ITGA6: variants seen among roughly 807,000 people sequenced by gnomAD.
The protein encoded by ITGA6 is integrin subunit alpha 6.
ITGA6 carries 63 observed loss-of-function variants against 133.6 expected under a neutral mutation model. The ratio of observed to expected loss-of-function variants is 0.47; its 90% CI spans 0.38 to 0.58. The LOEUF (loss-of-function observed/expected upper bound fraction) is 0.58. Among genes scored for constraint, ITGA6 ranks in the 20% least tolerant of loss-of-function variants. ITGA6 has a pLI of 0.00. For synonymous variants in ITGA6, 434 were observed against 482.0 expected (o/e 0.90, Z 1.30); for missense variants, 1,068 against 1,309.4 (o/e 0.82, Z 2.85).
chr2:172,492,015 T>C (rs552102888), intron 23 of ITGA6, among the ~76,000 whole-genome samples: 2 of 152,318 alleles, frequency 1.3e-5, no homozygotes, highest in South Asian at 4.2e-4. Context: ...AAGGAAATGG[T>C]CATGCCTCCT....
At chr2:172,484,757 T>G in intron 11 of ITGA6, 25 bp from the exon 12 acceptor site, 1 of 1,605,784 alleles carries the variant, frequency 6.2e-7, no homozygotes, top group South Asian at 1.1e-5. Flanking sequence ...TGCACTTACG[T>G]TAATATGATT....
At chr2:172,429,521 A>G (rs551744800) in intron 1 of ITGA6, among the ~76,000 whole-genome samples, 1 of 152,294 alleles carries the variant, frequency 6.6e-6, no homozygotes, top group African/African-American at 2.4e-5. Context: ...TGTTCAAGCA[A>G]AAAGTGTGAA....
At chr2:172,464,067 G>T (rs1685543356) in intron 1 of ITGA6, among the ~76,000 whole-genome samples, 2 of 152,122 alleles carry the variant, frequency 1.3e-5, no homozygotes, top group South Asian at 4.1e-4. Context: ...ATGTAGGGTG[G>T]GTTTGGAGGT....
At chr2:172,432,456 A>G (rs962327148) in intron 1 of ITGA6, among the ~76,000 whole-genome samples, 3 of 152,238 alleles carry the variant, frequency 2.0e-5, no homozygotes, top group Admixed American at 2.0e-4. Flanking sequence ...TGCAAATACA[A>G]TAGAGACTGA....
At chr2:172,496,535 G>T (rs569186201) in intron 23 of ITGA6, among the ~76,000 whole-genome samples, 1 of 152,160 alleles carries the variant, frequency 6.6e-6, no homozygotes, top group Non-Finnish European at 1.5e-5. Flanking sequence ...AAACACCACC[G>T]CATAGAAGTA....
intron 1 of ITGA6, 58 bp from the exon 2 acceptor site, chr2:172,465,481 T>C (rs1228732690): frequency 6.3e-7 from 1 of 1,599,098 alleles, no homozygotes; most frequent in Non-Finnish European, 8.6e-7. Flanking sequence ...TCTGACTGAT[T>C]TAACTGTTAA....
In ITGA6 at chr2:172,504,820, T is replaced by C. The variant is rs558331228; in HGVS notation, c.*752T>C. On this transcript the variant is annotated 3_prime_UTR_variant, in exon 26 of 26. Coordinates refer to ENST00000684293, the MANE Select transcript of ITGA6 (RefSeq NM_000210.4). The stretch of plus-strand genomic sequence containing the variant: ...TGAATACCTGCTCACGTCAAATGCA[T>C]ACAAGTTTCATTCTCCCTTTCACTA... 6.5e-6 allele frequency: 1 copy of C among 152,830 alleles called. No individual in the cohort carries two copies. Among genetic ancestry groups the C allele is most frequent in the East Asian group, 1.9e-4 (1 of 5,188 alleles). 9.5% of individuals were successfully genotyped at this position (152,830 alleles called of 1,614,324 possible). A position where few individuals can be genotyped will look rare whatever the true frequency, so the allele number is the denominator to read the frequency against.
At position 172,436,081 on chromosome 2, in the gene ITGA6, C is replaced by T. The variant is rs112111552; in HGVS notation, c.182+8111C>T. On this transcript the variant is annotated intron_variant, in intron 1 of 25. Transcript: ENST00000684293. ...ACTAGGCCCAGGTACCGACTTAAGG[C>T]GATACTTTGAAAAAGTTGAGAGGTG... Among the ~76,000 whole-genome samples, 99 of 152,214 alleles carry T rather than the reference C, an allele frequency of 6.5e-4. 1 individual carries two copies. The highest frequency in any genetic ancestry group is 2.2e-3 in the African/African-American group (91 of 41,528).
chr2:172,441,743 G>A (rs1010557300), intron 1 of ITGA6, among the ~76,000 whole-genome samples: 1 of 152,080 alleles, frequency 6.6e-6, no homozygotes, highest in Non-Finnish European at 1.5e-5. Flanking sequence ...GGAATGGCCT[G>A]GAAAGGTAGA....
intron 2 of ITGA6, 29 bp downstream of exon 2, chr2:172,465,692 A>T (rs1273541378): frequency 6.2e-7 from 1 of 1,613,970 alleles, no homozygotes; most frequent in African/African-American, 1.3e-5. Flanking sequence ...CTCAGCGTTC[A>T]CTCCGGCAGC....
chr2:172,468,011 G>T (rs182111386), intron 3 of ITGA6, among the ~76,000 whole-genome samples: 3 of 152,098 alleles, frequency 2.0e-5, no homozygotes, highest in Admixed American at 1.3e-4. Flanking sequence ...TGTGATTCCT[G>T]ATATACTTAG....
At chr2:172,448,736 TTGTTCCAC>T (rs777398692) in intron 1 of ITGA6, among the ~76,000 whole-genome samples, 3 of 152,208 alleles carry the variant, frequency 2.0e-5, no homozygotes, top group Non-Finnish European at 2.9e-5. Context: ...CGGGCTGGAT[TTGTTCCAC>T]TGTGAATTTT....
At chr2:172,450,991 A>T (rs905444804) in intron 1 of ITGA6, among the ~76,000 whole-genome samples, 1 of 148,312 alleles carries the variant, frequency 6.7e-6, no homozygotes, top group South Asian at 2.1e-4. Flanking sequence ...GTGTATATAT[A>T]TACACACACA....
chr2:172,434,478 GCCGCAGTGTGGCAGCAGACCC>G (rs1362882803), intron 1 of ITGA6, among the ~76,000 whole-genome samples: 1 of 152,152 alleles, frequency 6.6e-6, no homozygotes, highest in African/African-American at 2.4e-5. Flanking sequence ...CTGTTCTCAG[GCCGCAGTGTGGCAGCAGACCC>G]TCCCCAGTTC....
At chr2:172,478,710 A>G (rs2149053760) in intron 9 of ITGA6, among the ~76,000 whole-genome samples, 1 of 152,316 alleles carries the variant, frequency 6.6e-6, no homozygotes, top group African/African-American at 2.4e-5. Flanking sequence ...GATGGGAAGA[A>G]GTTTAAAAGT....
At chr2:172,438,958 T>C (rs1180088215) in intron 1 of ITGA6, among the ~76,000 whole-genome samples, 2 of 152,006 alleles carry the variant, frequency 1.3e-5, no homozygotes, top group African/African-American at 4.8e-5. Flanking sequence ...TCTTTGGCAA[T>C]CTGCAGACCT....
Position 172,479,749 on chromosome 2 carries a change from C to T in ITGA6, c.1487+10C>T. The T allele has an allele frequency of 6.2e-7, 1 of 1,609,868 alleles. No individual in the cohort carries two copies. Among genetic ancestry groups the T allele is most frequent in the East Asian group, 2.2e-5 (1 of 44,848 alleles). ...CGCCTAGTGGGATATGGTGAGCATC[C>T]CTCTGTCTTGGTGGGATCCCCCTCA... On this transcript the variant is annotated intron_variant, in intron 10 of 25. Coordinates refer to ENST00000684293, the MANE Select transcript of ITGA6 (RefSeq NM_000210.4).
At chr2:172,466,287 G>C (rs1056995281) in intron 2 of ITGA6, among the ~76,000 whole-genome samples, 1 of 152,146 alleles carries the variant, frequency 6.6e-6, no homozygotes, top group Non-Finnish European at 1.5e-5. Flanking sequence ...TTGCAGATTC[G>C]TGTCTATGTT....
At chr2:172,479,471 A>G (rs1280468881) in intron 9 of ITGA6, among the ~76,000 whole-genome samples, 170 bp from the exon 10 acceptor site, 2 of 152,150 alleles carry the variant, frequency 1.3e-5, no homozygotes, top group Admixed American at 6.5e-5. Context: ...GTATACATTT[A>G]TATCTATTAA....
Sources: gnomAD v4.1 joint callset for allele counts (sites outside exome capture counted in the v4.1 genomes callset) on GRCh38, gnomAD v4.1.1 for gene constraint, MANE v1.5 for transcripts, NCBI Gene and HGNC (gene_info 2026-07-23, HGNC 2026-07-21) for gene names.